MOK: variants seen among roughly 807,000 people sequenced by gnomAD.
The protein encoded by MOK is MAPK/MAK/MRK overlapping kinase.
A neutral mutation model predicts 54.2 loss-of-function variants in MOK; 59 were observed. The observed-to-expected ratio is 1.09, with a 90% CI of 0.88 to 1.35. The LOEUF is 1.35. MOK is among the 40% of genes most tolerant of loss of function. The probability of loss-of-function intolerance (pLI) is 0.00; values close to 1 mark genes in which losing one functional copy is unlikely to be tolerated. For synonymous variants in MOK, 210 were observed against 202.7 expected, an observed-to-expected ratio of 1.04 and a Z score of -0.31; for missense variants, 517 against 526.2, an observed-to-expected ratio of 0.98 and a Z score of 0.17.
chr14:102,214,631 A>G, the MOK span: 1 of 985,100 alleles, frequency 1.0e-6, no homozygotes, highest in Non-Finnish European at 1.2e-6. Context: ...AGAGATTGTT[A>G]TGTTAGGCGA....
chr14:102,284,869 G>A (rs2069854360), intron 1 of MOK, among the ~76,000 whole-genome samples: 1 of 152,158 alleles, frequency 6.6e-6, no homozygotes, highest in Admixed American at 6.5e-5. Context: ...CCCACCTGAG[G>A]TCAGGAGTTC....
At chr14:102,260,171 C>A (rs1156370990) in intron 4 of MOK, among the ~76,000 whole-genome samples, 1 of 135,970 alleles carries the variant, frequency 7.4e-6, no homozygotes, top group Non-Finnish European at 1.6e-5. Flanking sequence ...AGCAAAACTC[C>A]ATCTCAAAAA....
downstream of MOK, chr14:102,223,355 G>A (rs1315533853): frequency 6.6e-6 from 1 of 152,636 alleles, no homozygotes; most frequent in Non-Finnish European, 1.5e-5. Flanking sequence ...ATGTAATTCA[G>A]GAAGACAGAC....
rs1223716420 is a variant in MOK, at chr14:102,236,298, A to G, written c.591-2509T>C. Among the ~76,000 whole-genome samples, 1 of 152,200 alleles carries G rather than the reference A, an allele frequency of 6.6e-6. No individual in the cohort carries two copies. Among genetic ancestry groups the G allele is most frequent in the Non-Finnish European group, 1.5e-5 (1 of 68,022 alleles). On this transcript the variant is annotated intron_variant, in intron 7 of 11. Coordinates refer to ENST00000361847, the MANE Select transcript of MOK (RefSeq NM_014226.3). This position sits in a 1 kb window ranked among gnomAD's most constrained non-coding sequence, Gnocchi z 4.5. Reference sequence around the variant, plus strand: ...AGGGTAACTCTGCGAGTAGCAGGTAAGCCGATCTCTTTTTAAATTGATAGC... The same window carrying G: ...AGGGTAACTCTGCGAGTAGCAGGTAGGCCGATCTCTTTTTAAATTGATAGC...
chr14:102,241,853 C>T (rs1161154169), intron 7 of MOK, among the ~76,000 whole-genome samples: 2 of 152,204 alleles, frequency 1.3e-5, no homozygotes, highest in African/African-American at 2.4e-5. Flanking sequence ...ACGTCTGAAC[C>T]GCAGTGGCCA....
In MOK at chr14:102,254,512, T is replaced by C. The variant is rs549657248; in HGVS notation, c.284-2517A>G. 3.3e-5 allele frequency among the ~76,000 whole-genome samples: 5 copies of C among 152,316 alleles called. No homozygotes were observed. The South Asian group carries it at 1.0e-3, about 32-fold the overall frequency. On this transcript the variant is annotated intron_variant, in intron 4 of 11. Coordinates refer to ENST00000361847, the MANE Select transcript of MOK (RefSeq NM_014226.3). The stretch of plus-strand genomic sequence containing the variant: ...GCAGAATGAAGCTGCTGGAATTTCA[T>C]CTCATCAGGTGCTCCTGGGTCCTGT...
chr14:102,234,511 C>T (rs576487866), intron 7 of MOK, among the ~76,000 whole-genome samples: 20 of 152,254 alleles, frequency 1.3e-4, no homozygotes, highest in Middle Eastern at 3.4e-3. Flanking sequence ...GTTTCAGGGA[C>T]GCCTGACACG....
Position 102,258,391 on chromosome 14 carries a change from A to C in MOK, c.283+5155T>G, listed in dbSNP as rs142585857. Among the ~76,000 whole-genome samples the C allele has an allele frequency of 1.5e-3, 222 of 151,082 alleles. 1 individual carries two copies. Among genetic ancestry groups the C allele is most frequent in the Middle Eastern group, 3.4e-3 (1 of 294 alleles). On this transcript the variant is annotated intron_variant, in intron 4 of 11. Transcript: ENST00000361847. ...CTGCCTGAAGTACTCTATCCTCATC[A>C]CTCTCTAACACATTGGCCTGTTTTA...
intron 1 of MOK, among the ~76,000 whole-genome samples, chr14:102,288,960 T>C (rs927457296): frequency 2.6e-5 from 4 of 152,168 alleles, no homozygotes; most frequent in African/African-American, 9.7e-5. Context: ...TGGAGAGCAG[T>C]GGTGCAACCT....
chr14:102,295,164 T>C (rs1205065088), intron 1 of MOK, among the ~76,000 whole-genome samples: 2 of 152,100 alleles, frequency 1.3e-5, no homozygotes, highest in Non-Finnish European at 2.9e-5. Context: ...TAAATGAACG[T>C]CATGCCCCAC....
At chr14:102,299,060 C>T (rs1030466386) in intron 1 of MOK, among the ~76,000 whole-genome samples, 5 of 152,244 alleles carry the variant, frequency 3.3e-5, no homozygotes, top group Admixed American at 1.3e-4. Flanking sequence ...TAACACTCAC[C>T]GTGAGGGTCT....
At chr14:102,220,096 A>G (rs1307124566), downstream of MOK, among the ~76,000 whole-genome samples, 1 of 152,228 alleles carries the variant, frequency 6.6e-6, no homozygotes, top group East Asian at 1.9e-4. The surrounding 1 kb of genome is among the most constrained non-coding windows in gnomAD (Gnocchi z 4.2). Flanking sequence ...TGTAGGGACC[A>G]GCTGGCGGAA....
chr14:102,276,328 A>C (rs2068858671), intron 2 of MOK, among the ~76,000 whole-genome samples: 1 of 151,276 alleles, frequency 6.6e-6, no homozygotes, highest in Admixed American at 6.6e-5. Context: ...ACTAAAAAAT[A>C]CAAAAAAAAA....
intron 2 of MOK, among the ~76,000 whole-genome samples, chr14:102,279,299 TG>T (rs1282461597): frequency 6.6e-6 from 1 of 151,966 alleles, no homozygotes; most frequent in Middle Eastern, 3.2e-3. Flanking sequence ...TTGTTGTTGT[TG>T]TTGTTGTTGT....
the MOK span, among the ~76,000 whole-genome samples, chr14:102,217,909 A>G: frequency 6.6e-6 from 1 of 152,196 alleles, no homozygotes; most frequent in Non-Finnish European, 1.5e-5. Context: ...CCCCAGGGTG[A>G]GATTCTGCCA....
In MOK at chr14:102,229,000, T is replaced by A; in HGVS notation, c.*289A>T. ...TCACAGAAATGCCTGCTCGTTTGTT[T>A]TGATTCATATACAAAGTTACAAAGT... is the stretch of plus-strand genomic sequence containing the variant. On this transcript the variant is annotated 3_prime_UTR_variant, in exon 12 of 12. Transcript: ENST00000361847. 2 of 439,566 alleles carry A rather than the reference T, an allele frequency of 4.5e-6. No individual in the cohort carries two copies. Among genetic ancestry groups the A allele is most frequent in the Non-Finnish European group, 8.0e-6 (2 of 249,356 alleles). 27.2% of individuals were successfully genotyped at this position (439,566 alleles called of 1,614,324 possible).
intron 2 of MOK, among the ~76,000 whole-genome samples, chr14:102,276,851 C>T (rs2068914031): frequency 6.6e-6 from 1 of 150,898 alleles, no homozygotes; most frequent in Non-Finnish European, 1.5e-5. Flanking sequence ...TTCTGTATTT[C>T]TTTTGTTGTT....
chr14:102,254,573 G>A (rs959068947), intron 4 of MOK, among the ~76,000 whole-genome samples: 7 of 151,990 alleles, frequency 4.6e-5, no homozygotes, highest in Admixed American at 1.3e-4. Context: ...GACTTACCCC[G>A]GCACTCAAGA....
At chr14:102,253,715 C>T (rs2066712125) in intron 4 of MOK, among the ~76,000 whole-genome samples, 1 of 152,166 alleles carries the variant, frequency 6.6e-6, no homozygotes, top group Non-Finnish European at 1.5e-5. Flanking sequence ...CACAGTTTAC[C>T]CCTGTTCCAG....
Sources: gnomAD v4.1 joint callset for allele counts (sites outside exome capture counted in the v4.1 genomes callset) on GRCh38, gnomAD v4.1.1 for gene constraint, Gnocchi (gnomAD v3.1) non-coding constraint, MANE v1.5 for transcripts, NCBI Gene and HGNC (gene_info 2026-07-23, HGNC 2026-07-21) for gene names.